CMPK1: variants seen among roughly 807,000 people sequenced by gnomAD.
CMPK1 encodes cytidine/uridine monophosphate kinase 1, also known as UMP-CMP kinase.
In CMPK1, 10 loss-of-function variants were observed where a neutral mutation model predicts 25.7. The ratio of observed to expected loss-of-function variants is 0.39; its 90% CI spans 0.24 to 0.66. The LOEUF is 0.66. CMPK1 is among the 30% of genes least tolerant of loss of function. The pLI, the probability that CMPK1 is intolerant of heterozygous loss-of-function variation, is 0.48. For synonymous variants in CMPK1, 106 were observed against 101.5 expected (o/e 1.04, Z -0.27); for missense variants, 199 against 280.5 (o/e 0.71, Z 2.08).
chr1:47,360,735 A>C (rs1453631271), intron 1 of CMPK1, among the ~76,000 whole-genome samples: 1 of 152,174 alleles, frequency 6.6e-6, no homozygotes, highest in African/African-American at 2.4e-5. Flanking sequence ...GTAGACAGCA[A>C]ATATTTATGG....
chr1:47,334,812 G>A (rs563627500), intron 1 of CMPK1, among the ~76,000 whole-genome samples: 3 of 152,192 alleles, frequency 2.0e-5, no homozygotes, highest in Non-Finnish European at 2.9e-5. Flanking sequence ...CTCACGCTCG[G>A]CCCTCGGTCA....
intron 1 of CMPK1, among the ~76,000 whole-genome samples, chr1:47,359,560 T>C (rs1300418429): frequency 1.3e-5 from 2 of 151,408 alleles, no homozygotes; most frequent in Admixed American, 1.3e-4. Flanking sequence ...GCTAATTTTT[T>C]TGTATTTTTG....
At chr1:47,373,702 A>T (rs1016293933) in intron 3 of CMPK1, among the ~76,000 whole-genome samples, 2 of 152,066 alleles carry the variant, frequency 1.3e-5, no homozygotes, top group African/African-American at 4.8e-5. Flanking sequence ...AGGCTGAGGC[A>T]GGAGAATTGC....
chr1:47,348,210 A>T (rs1646498626), intron 1 of CMPK1, among the ~76,000 whole-genome samples: 1 of 152,170 alleles, frequency 6.6e-6, no homozygotes, highest in Admixed American at 6.6e-5. Context: ...GAGAGAAAGG[A>T]TGGGGACTCT....
intron 1 of CMPK1, among the ~76,000 whole-genome samples, chr1:47,338,577 TTCCC>T (rs1335690843): frequency 1.0e-5 from 1 of 95,716 alleles, no homozygotes; most frequent in African/African-American, 3.7e-5. Flanking sequence ...CCCTCTCTCC[TTCCC>T]TCCCTCCCTC....
chr1:47,344,067 TAAA>T (rs34326568), intron 1 of CMPK1, among the ~76,000 whole-genome samples: 1 of 141,432 alleles, frequency 7.1e-6, no homozygotes, highest in East Asian at 2.1e-4. Flanking sequence ...GACCATGTCT[TAAA>T]AAAAAAAAAA....
intron 1 of CMPK1, chr1:47,358,502 A>C: frequency 2.0e-6 from 2 of 1,022,370 alleles, no homozygotes; most frequent in Non-Finnish European, 1.2e-6. Flanking sequence ...ATAGTATAGT[A>C]TGTGTAGATG....
At chr1:47,355,662 A>C (rs1353152752) in intron 1 of CMPK1, among the ~76,000 whole-genome samples, 2 of 151,110 alleles carry the variant, frequency 1.3e-5, no homozygotes, top group Non-Finnish European at 2.9e-5. Flanking sequence ...GCTGGAGTGC[A>C]GTGGTGCAAT....
At chr1:47,352,652 C>T (rs12132521) in intron 1 of CMPK1, among the ~76,000 whole-genome samples, 40,667 of 151,950 alleles carry the variant, frequency 0.27, 5,714 homozygotes, top group Non-Finnish European at 0.31. Flanking sequence ...AAATGGTTTT[C>T]AGTGCTTTTT....
intron 1 of CMPK1, among the ~76,000 whole-genome samples, chr1:47,357,843 C>G (rs958595259): frequency 5.9e-5 from 9 of 152,016 alleles, no homozygotes; most frequent in African/African-American, 2.2e-4. Flanking sequence ...GAGGGTGGGG[C>G]TTCCATGATC....
intron 1 of CMPK1, among the ~76,000 whole-genome samples, chr1:47,364,985 G>T (rs2246708): frequency 0.97 from 148,271 of 152,240 alleles, 72,298 homozygotes; most frequent in East Asian, 1. Flanking sequence ...GGTCTTGAGC[G>T]TCTGACCTCA....
chr1:47,363,617 A>C (rs896049384), intron 1 of CMPK1, among the ~76,000 whole-genome samples: 1 of 148,850 alleles, frequency 6.7e-6, no homozygotes, highest in East Asian at 2.0e-4. Context: ...CAGCCTGGGC[A>C]ACAGAGTGAG....
chr1:47,364,024 T>C (rs993443439), intron 1 of CMPK1, among the ~76,000 whole-genome samples: 29 of 152,174 alleles, frequency 1.9e-4, no homozygotes, highest in African/African-American at 7.0e-4. Flanking sequence ...AGCTGTTGTT[T>C]GCAGCAGGTA....
chr1:47,340,500 T>G (rs1232600075), intron 1 of CMPK1, among the ~76,000 whole-genome samples: 2 of 152,208 alleles, frequency 1.3e-5, no homozygotes, highest in Admixed American at 6.5e-5. Flanking sequence ...ATGATATGGT[T>G]GTGAAAATCT....
intron 1 of CMPK1, 112 bp downstream of exon 1, chr1:47,334,228 C>T (rs1646378694): frequency 9.5e-7 from 1 of 1,049,388 alleles, no homozygotes; most frequent in African/African-American, 1.7e-5. Context: ...GACTACGAGT[C>T]CCGGCGGCCA....
chr1:47,352,428 A>C (rs190044738), intron 1 of CMPK1, among the ~76,000 whole-genome samples: 9 of 152,016 alleles, frequency 5.9e-5, no homozygotes, highest in Admixed American at 5.9e-4. Context: ...CTAGTCCAAA[A>C]CTACAAAAAT....
chr1:47,343,524 C>T (rs911549470), intron 1 of CMPK1, among the ~76,000 whole-genome samples: 7 of 148,468 alleles, frequency 4.7e-5, no homozygotes, highest in Admixed American at 2.0e-4. Flanking sequence ...AAAAAAGTCT[C>T]AAAAAAACCC....
intron 1 of CMPK1, among the ~76,000 whole-genome samples, chr1:47,350,832 G>A (rs1409186249): frequency 1.3e-5 from 2 of 151,654 alleles, no homozygotes; most frequent in African/African-American, 2.4e-5. Context: ...GCCTGAACCC[G>A]GGAGGGCAGA....
In CMPK1 at chr1:47,340,769, T is replaced by C. The variant is rs1220614050; in HGVS notation, c.171+6653T>C. On this transcript the variant is annotated intron_variant, in intron 1 of 5. Coordinates refer to ENST00000371873, the MANE Select transcript of CMPK1 (RefSeq NM_016308.3). Reference sequence around the variant, plus strand: ...TCTCCTGCCTCAGCCTCCTGAGTAGTTGGGATTACAGGCATGCGCCACCAT... The same window carrying C: ...TCTCCTGCCTCAGCCTCCTGAGTAGCTGGGATTACAGGCATGCGCCACCAT... Among the ~76,000 whole-genome samples the C allele has an allele frequency of 5.3e-5, 8 of 152,008 alleles. No individual in the cohort carries two copies. The East Asian group carries it at 1.2e-3, about 22-fold the overall frequency.
Sources: allele counts gnomAD v4.1 joint callset (sites outside exome capture counted in the v4.1 genomes callset), GRCh38; gene constraint gnomAD v4.1.1; transcripts MANE v1.5; gene names NCBI Gene and HGNC (gene_info 2026-07-23, HGNC 2026-07-21).